Variants in UBE2K observed in about 807,000 individuals in gnomAD.
The protein encoded by UBE2K is ubiquitin conjugating enzyme E2 K.
A neutral mutation model predicts 30.0 loss-of-function variants in UBE2K; 6 were observed. The ratio of observed to expected loss-of-function variants is 0.20; its 90% CI spans 0.11 to 0.39. The LOEUF (loss-of-function observed/expected upper bound fraction) is 0.39, where lower values mean the gene tolerates loss of function less well. UBE2K is among the 10% of genes least tolerant of loss of function. The probability of loss-of-function intolerance (pLI) is 1.00; values close to 1 mark genes in which losing one functional copy is unlikely to be tolerated. For missense variants in UBE2K, 61 were observed against 241.6 expected (o/e 0.25, Z 4.96); for synonymous variants, 86 against 83.7 (o/e 1.03, Z -0.15).
At chr4:39,763,220 G>A (rs1712086146) in intron 4 of UBE2K, among the ~76,000 whole-genome samples, 1 of 151,698 alleles carries the variant, frequency 6.6e-6, no homozygotes. Flanking sequence ...TGGGGTTAAA[G>A]GCATGAGCCA....
At chr4:39,714,310 C>A (rs1718884711) in intron 1 of UBE2K, 1 of 201,868 alleles carries the variant, frequency 5.0e-6, no homozygotes, top group Non-Finnish European at 1.1e-5. Flanking sequence ...CATCCAGTTT[C>A]TCTTGCCCAC....
intron 4 of UBE2K, chr4:39,770,410 G>C: frequency 6.2e-7 from 1 of 1,612,890 alleles, no homozygotes; most frequent in Non-Finnish European, 8.5e-7. Context: ...TGCCGCATGT[G>C]GAAGACCAGC....
At chr4:39,771,412 C>T in intron 4 of UBE2K, 4 of 1,609,378 alleles carry the variant, frequency 2.5e-6, no homozygotes, top group Non-Finnish European at 3.4e-6. Context: ...CAGCTGGAAG[C>T]GCAGGACTTC....
intron 3 of UBE2K, among the ~76,000 whole-genome samples, chr4:39,749,926 C>T (rs1243711466): frequency 6.6e-6 from 1 of 152,048 alleles, no homozygotes; most frequent in African/African-American, 2.4e-5. Flanking sequence ...CGGCCAGGCG[C>T]GGTGGCTCAC....
At position 39,772,646 on chromosome 4, in the gene UBE2K, A is replaced by G. The variant is rs369295869; in HGVS notation, c.300-2188A>G. Among the ~76,000 whole-genome samples, 73 of 152,176 alleles carry G rather than the reference A, an allele frequency of 4.8e-4. 1 individual carries two copies. The South Asian group carries it at 0.014, about 29-fold the overall frequency. ...ATTCTCTTTACATGTAACATTTTTA[A>G]TATGTCCACATATTTATACATACCT... On this transcript the variant is annotated intron_variant, in intron 4 of 6. Transcript: ENST00000261427.
chr4:39,736,660 A>G (rs1474135191), intron 1 of UBE2K, among the ~76,000 whole-genome samples: 1 of 152,244 alleles, frequency 6.6e-6, no homozygotes, highest in Non-Finnish European at 1.5e-5. Context: ...ATGGACTGTC[A>G]TAAGGTTAAG....
chr4:39,713,465 T>C (rs1344825635), intron 1 of UBE2K, among the ~76,000 whole-genome samples: 2 of 151,946 alleles, frequency 1.3e-5, no homozygotes, highest in African/African-American at 4.8e-5. Flanking sequence ...GCCAGATTTG[T>C]AGGAATTCTT....
chr4:39,748,981 T>C (rs939819351), intron 3 of UBE2K, among the ~76,000 whole-genome samples: 12 of 152,216 alleles, frequency 7.9e-5, no homozygotes, highest in African/African-American at 2.9e-4. Flanking sequence ...TGGGGAATAT[T>C]TATGTAAATT....
intron 4 of UBE2K, 26 bp from the exon 5 acceptor site, chr4:39,774,808 G>A: frequency 7.1e-7 from 1 of 1,414,914 alleles, no homozygotes; most frequent in East Asian, 2.5e-5. Flanking sequence ...CTCTTAATTG[G>A]GATATTTTCA....
At chr4:39,711,409 G>A (rs1216585163) in intron 1 of UBE2K, among the ~76,000 whole-genome samples, 12 of 151,730 alleles carry the variant, frequency 7.9e-5, no homozygotes, top group South Asian at 2.1e-4. Flanking sequence ...TGATCCGCCC[G>A]CCTCGGCCTC....
intron 4 of UBE2K, among the ~76,000 whole-genome samples, chr4:39,764,410 G>A (rs1712169632): frequency 6.7e-6 from 1 of 149,878 alleles, no homozygotes; most frequent in South Asian, 2.1e-4. Flanking sequence ...AGGGTTTTGA[G>A]AGCAAACTGC....
chr4:39,761,238 G>A (rs906436287), intron 4 of UBE2K: 3 of 152,198 alleles, frequency 2.0e-5, no homozygotes, highest in Non-Finnish European at 2.9e-5. Context: ...TCAATAGTGA[G>A]ATAACACCTG....
chr4:39,714,548 A>ATTTTTTT (rs1168820129), intron 1 of UBE2K: 58 of 24,666 alleles, frequency 2.4e-3, no homozygotes, highest in Middle Eastern at 0.025. Context: ...ATATATATAT[A>ATTTTTTT]TATTTTTTTT....
chr4:39,767,484 C>T lies in UBE2K; in HGVS notation c.300-7350C>T, dbSNP rs28719817. 5.9e-3 allele frequency among the ~76,000 whole-genome samples: 898 copies of T among 151,874 alleles called. 6 individuals are homozygous for T. Among genetic ancestry groups the T allele is most frequent in the African/African-American group, 0.02 (848 of 41,410 alleles). The stretch of plus-strand genomic sequence containing the variant: ...GACTACAGGCGCCTGCCACCACGCC[C>T]GGCTAATTTTTTTGTATTTTAGTAG... On this transcript the variant is annotated intron_variant, in intron 4 of 6. Coordinates refer to ENST00000261427, the MANE Select transcript of UBE2K (RefSeq NM_005339.5).
intron 5 of UBE2K, 148 bp from the exon 6 acceptor site, chr4:39,777,534 A>T: frequency 1.4e-6 from 1 of 690,204 alleles, no homozygotes; most frequent in Non-Finnish European, 2.2e-6. Context: ...TTCTCGAGTG[A>T]CATAGGTTGT....
intron 1 of UBE2K, among the ~76,000 whole-genome samples, chr4:39,726,297 G>GT (rs1190352185): frequency 6.6e-6 from 1 of 151,808 alleles, no homozygotes; most frequent in African/African-American, 2.4e-5. Flanking sequence ...TGCCTGGCCT[G>GT]TTTTTACTTT....
chr4:39,774,959 T>G (rs950245823), intron 5 of UBE2K, 26 bp downstream of exon 5: 2 of 1,523,360 alleles, frequency 1.3e-6, no homozygotes, highest in Admixed American at 1.8e-5. Flanking sequence ...TTGAAAGACT[T>G]TCTTATATTA....
intron 1 of UBE2K, among the ~76,000 whole-genome samples, chr4:39,717,889 G>A (rs1043530720): frequency 6.9e-6 from 1 of 143,950 alleles, no homozygotes; most frequent in African/African-American, 2.9e-5. Context: ...AAGGCGGCGC[G>A]TCTGGAGTTG....
intron 3 of UBE2K, among the ~76,000 whole-genome samples, chr4:39,747,805 C>G (rs74362464): frequency 7.3e-6 from 1 of 137,854 alleles, no homozygotes; most frequent in Non-Finnish European, 1.6e-5. Flanking sequence ...TTGTTGTTTT[C>G]TTTTTTTTTT....
Sources: gnomAD v4.1 joint callset for allele counts (sites outside exome capture counted in the v4.1 genomes callset) on GRCh38, gnomAD v4.1.1 for gene constraint, MANE v1.5 for transcripts, NCBI Gene and HGNC (gene_info 2026-07-23, HGNC 2026-07-21) for gene names.